RGS6: variants seen among roughly 807,000 people sequenced by gnomAD.
RGS6 encodes the protein regulator of G-protein signaling 6.
RGS6 carries 30 observed loss-of-function variants against 78.5 expected under a neutral mutation model. That is an observed-to-expected ratio of 0.38 (90% CI 0.29 to 0.52). RGS6 has a LOEUF of 0.52. Among genes scored for constraint, RGS6 ranks in the 20% least tolerant of loss-of-function variants. The pLI is 0.85. For missense variants in RGS6, 495 were observed against 609.7 expected (o/e 0.81, Z 1.98); for synonymous variants, 206 against 206.0 (o/e 1.00, Z 0.00).
chr14:72,453,615 CAAAAAA>C (rs60280790), intron 3 of RGS6, among the ~76,000 whole-genome samples: 22 of 52,066 alleles, frequency 4.2e-4, no homozygotes, highest in Non-Finnish European at 5.8e-4. Context: ...GACTCCGTCT[CAAAAAA>C]AAAAAAAAAA....
At chr14:72,333,078 G>A (rs1416730835) in intron 2 of RGS6, among the ~76,000 whole-genome samples, 1 of 152,168 alleles carries the variant, frequency 6.6e-6, no homozygotes, top group Non-Finnish European at 1.5e-5. Context: ...TCACCACAGG[G>A]GGCCAGGCTG....
At chr14:72,072,463 A>G (rs2094441355) in intron 2 of RGS6, among the ~76,000 whole-genome samples, 1 of 152,004 alleles carries the variant, frequency 6.6e-6, no homozygotes, top group Admixed American at 6.5e-5. Context: ...GTGTGCCACC[A>G]TGCCCGGCTA....
chr14:71,879,733 A>G, the RGS6 span, among the ~76,000 whole-genome samples: 1 of 152,226 alleles, frequency 6.6e-6, no homozygotes, highest in African/African-American at 2.4e-5. Flanking sequence ...CTGTGAGTAT[A>G]TTAAAGTTCT....
chr14:72,056,262 T>A (rs143520654), intron 2 of RGS6, among the ~76,000 whole-genome samples: 43 of 152,330 alleles, frequency 2.8e-4, no homozygotes, highest in African/African-American at 1.0e-3. Flanking sequence ...TAGCCTTTGC[T>A]CTGTAAGCTC....
intron 2 of RGS6, among the ~76,000 whole-genome samples, chr14:72,155,158 ACTT>A (rs1322204262): frequency 7.2e-5 from 11 of 152,204 alleles, no homozygotes; most frequent in Non-Finnish European, 1.2e-4. Context: ...CCTGCCTGTC[ACTT>A]TGAGTCACAG....
chr14:71,975,928 A>G (rs1384902887), intron 2 of RGS6, among the ~76,000 whole-genome samples: 1 of 152,128 alleles, frequency 6.6e-6, no homozygotes, highest in Non-Finnish European at 1.5e-5. Flanking sequence ...GTGCTTCAAC[A>G]TGGATATTTT....
At chr14:72,032,777 G>T (rs372850309) in intron 2 of RGS6, among the ~76,000 whole-genome samples, 1 of 151,944 alleles carries the variant, frequency 6.6e-6, no homozygotes, top group Non-Finnish European at 1.5e-5. Flanking sequence ...GTAGCTTATT[G>T]CCAGATTTCC....
At chr14:72,077,945 C>T (rs974845541) in intron 2 of RGS6, among the ~76,000 whole-genome samples, 2 of 152,206 alleles carry the variant, frequency 1.3e-5, no homozygotes, top group East Asian at 1.9e-4. Context: ...AAGAATAGTA[C>T]CAAAATTCTC....
chr14:72,555,000 A>AAGTG (rs1249436623), intron 17 of RGS6, among the ~76,000 whole-genome samples: 2 of 152,194 alleles, frequency 1.3e-5, no homozygotes, highest in Non-Finnish European at 2.9e-5. Flanking sequence ...AGGCAGAAGA[A>AAGTG]AGTGATGAGC....
chr14:72,029,532 A>G (rs748837978), intron 2 of RGS6, among the ~76,000 whole-genome samples: 16 of 152,192 alleles, frequency 1.1e-4, no homozygotes, highest in Non-Finnish European at 2.2e-4. Context: ...CTTGCCTCTT[A>G]TACAGTCTGC....
chr14:72,446,062 C>T (rs928691171), intron 3 of RGS6, among the ~76,000 whole-genome samples: 16 of 152,064 alleles, frequency 1.1e-4, no homozygotes, highest in African/African-American at 3.9e-4. Context: ...AGTTAGAGAC[C>T]AGCCTGAGTA....
intron 1 of RGS6, among the ~76,000 whole-genome samples, chr14:71,953,104 A>C (rs2238284): frequency 0.54 from 82,711 of 151,918 alleles, 22,775 homozygotes; most frequent in African/African-American, 0.59. Context: ...CTTGGAACCC[A>C]TACTTAACAA....
intron 2 of RGS6, among the ~76,000 whole-genome samples, chr14:72,027,303 A>G (rs57818726): frequency 0.13 from 19,801 of 152,084 alleles, 1,341 homozygotes; most frequent in East Asian, 0.18. Context: ...AAGGGGATGG[A>G]GGCTTAGGGT....
chr14:72,601,056 G>T, the RGS6 span, among the ~76,000 whole-genome samples: 1 of 150,402 alleles, frequency 6.6e-6, no homozygotes, highest in Non-Finnish European at 1.5e-5. Context: ...GGGGGAAGAG[G>T]AGGAGGAGGG....
chr14:72,020,000 G>A (rs1192261494), intron 2 of RGS6, among the ~76,000 whole-genome samples: 1 of 152,180 alleles, frequency 6.6e-6, no homozygotes, highest in African/African-American at 2.4e-5. Flanking sequence ...CTGACCTGTC[G>A]GGGAGAGGTT....
chr14:71,885,607 A>G, the RGS6 span, among the ~76,000 whole-genome samples: 1 of 152,238 alleles, frequency 6.6e-6, no homozygotes, highest in African/African-American at 2.4e-5. Flanking sequence ...AATCACATCA[A>G]AGAGCCCCAG....
At chr14:72,176,554 T>C (rs8005777) in intron 2 of RGS6, among the ~76,000 whole-genome samples, 56,676 of 152,030 alleles carry the variant, frequency 0.37, 10,700 homozygotes, top group Middle Eastern at 0.46. Context: ...TGCCCACATA[T>C]AGGAGACAAT....
chr14:72,154,077 GTATTAA>G (rs1294919107), intron 2 of RGS6, among the ~76,000 whole-genome samples: 2 of 152,034 alleles, frequency 1.3e-5, no homozygotes, highest in African/African-American at 4.8e-5. Flanking sequence ...GTTTCCTAGC[GTATTAA>G]TATTAATATT....
chr14:71,955,781 G>A (rs2092740410), intron 1 of RGS6, among the ~76,000 whole-genome samples: 1 of 152,080 alleles, frequency 6.6e-6, no homozygotes, highest in South Asian at 2.1e-4. Flanking sequence ...CTCATTCTGT[G>A]ACTTAGAATG....
Sources: allele counts gnomAD v4.1 joint callset (sites outside exome capture counted in the v4.1 genomes callset), GRCh38; gene constraint gnomAD v4.1.1; transcripts MANE v1.5; gene names NCBI Gene and HGNC (gene_info 2026-07-23, HGNC 2026-07-21).